The following EIF2B3 variants were observed in gnomAD, a reference collection of about 807,000 sequenced individuals.
The protein encoded by EIF2B3 is translation initiation factor eIF2B subunit gamma.
A neutral mutation model predicts 54.1 loss-of-function variants in EIF2B3; 20 were observed. The observed-to-expected ratio is 0.37, with a 90% CI of 0.26 to 0.54. The LOEUF is 0.54. EIF2B3 is among the 20% of genes least tolerant of loss of function. The probability of loss-of-function intolerance (pLI) is 0.86; values close to 1 mark genes in which losing one functional copy is unlikely to be tolerated. For missense variants in EIF2B3, 448 were observed against 547.8 expected, an observed-to-expected ratio of 0.82 and a Z score of 1.82; for synonymous variants, 153 against 188.1, an observed-to-expected ratio of 0.81 and a Z score of 1.52.
intron 3 of EIF2B3, among the ~76,000 whole-genome samples, chr1:44,956,131 T>C (rs1032344759): frequency 2.0e-5 from 3 of 152,144 alleles, no homozygotes; most frequent in South Asian, 2.1e-4. Flanking sequence ...CCATTGATGA[T>C]AGGCTAGATA....
Position 44,941,514 on chromosome 1 carries a change from T to G in EIF2B3, c.446A>C (p.Lys149Thr). 6.2e-7 allele frequency: 1 copy of G among 1,604,830 alleles called. No homozygotes were observed. Among genetic ancestry groups the G allele is most frequent in the Non-Finnish European group, 8.5e-7 (1 of 1,176,274 alleles). Residue 149 changes from lysine to threonine, a missense_variant, in exon 4 of 12, where the codon AAA becomes ACA. Physicochemically the swap from Lys to Thr is moderately conservative, Grantham distance 78. Coordinates refer to ENST00000360403, the MANE Select transcript of EIF2B3 (RefSeq NM_020365.5). ...ACTCCAATCTTCCTTACCTGCTTTT[T>G]TTTTCCCCTTTTGACCGGGAACAGG... ...IEPVPGQKGK[K>T]KAVEQRDFIG...
chr1:44,913,660 A>C (rs1643562944), intron 5 of EIF2B3, among the ~76,000 whole-genome samples: 1 of 151,836 alleles, frequency 6.6e-6, no homozygotes, highest in African/African-American at 2.4e-5. Flanking sequence ...ACGCGTCACC[A>C]TGCCCAGGTA....
chr1:44,957,061 G>A (rs932551314), intron 3 of EIF2B3, among the ~76,000 whole-genome samples: 5 of 152,002 alleles, frequency 3.3e-5, no homozygotes, highest in Non-Finnish European at 7.4e-5. Context: ...TCATGAGTTC[G>A]AGACTAGCTA....
chr1:44,875,518 T>G (rs1327573007), intron 9 of EIF2B3, 100 bp downstream of exon 9: 1 of 1,090,588 alleles, frequency 9.2e-7, no homozygotes, highest in African/African-American at 1.5e-5. Flanking sequence ...CTGGGGCTGA[T>G]GAGGTTCAGG....
chr1:44,958,474 TA>T, intron 3 of EIF2B3: 1 of 775,774 alleles, frequency 1.3e-6, no homozygotes, highest in Non-Finnish European at 2.0e-6. Context: ...TTTGGTGCTG[TA>T]AATCCTGGAT....
intron 5 of EIF2B3, among the ~76,000 whole-genome samples, chr1:44,905,981 C>T (rs1230381394): frequency 6.6e-6 from 1 of 152,166 alleles, no homozygotes; most frequent in Non-Finnish European, 1.5e-5. Flanking sequence ...GCATCTCACT[C>T]CCCAAGAGGT....
chr1:44,984,797 C>CTTTTTTTTT (rs71040529), intron 1 of EIF2B3, among the ~76,000 whole-genome samples: 2,589 of 88,452 alleles, frequency 0.029, 486 homozygotes, highest in African/African-American at 0.093. Context: ...TAATGTCCAT[C>CTTTTTTTTT]TTTTTTTTTT....
rs561244678 is a variant in EIF2B3 at position 44,986,508 on chromosome 1, T to G, written c.-25A>C. On this transcript the variant is annotated 5_prime_UTR_variant, in exon 1 of 12. Transcript: ENST00000360403. Reference sequence around the variant, plus strand: ...CACTGCTCACCCGGGTCAGCCAGCTTGTGTGCGGCCTGGCAGGGCAGAAGT... The same window carrying G: ...CACTGCTCACCCGGGTCAGCCAGCTGGTGTGCGGCCTGGCAGGGCAGAAGT... The G allele has an allele frequency of 6.6e-6, 1 of 152,554 alleles. No individual in the cohort carries two copies. Among genetic ancestry groups the G allele is most frequent in the East Asian group, 1.9e-4 (1 of 5,190 alleles). The allele number at this position is 152,554 out of a possible 1,614,324, so 9.5% of individuals were successfully genotyped here.
rs1644395661 is a variant in EIF2B3, at chr1:44,971,172, G to A, written c.294+7143C>T. Among the ~76,000 whole-genome samples, 3 of 152,066 alleles carry A rather than the reference G, an allele frequency of 2.0e-5. No individual in the cohort carries two copies. The South Asian group carries it at 6.2e-4, about 32-fold the overall frequency. The stretch of plus-strand genomic sequence containing the variant: ...GCCGAGGCGGGCGGATCCCGAAGTA[G>A]GAGATCGAGACCATCCTGGCCAACA... On this transcript the variant is annotated intron_variant, in intron 3 of 11. Coordinates refer to ENST00000360403, the MANE Select transcript of EIF2B3 (RefSeq NM_020365.5).
chr1:44,930,060 C>T (rs778639441), intron 4 of EIF2B3, among the ~76,000 whole-genome samples: 3 of 152,058 alleles, frequency 2.0e-5, no homozygotes, highest in Admixed American at 6.5e-5. Context: ...AAAAAAAGTC[C>T]GTCATATTCA....
intron 10 of EIF2B3, among the ~76,000 whole-genome samples, chr1:44,869,131 A>C (rs933654134): frequency 6.6e-6 from 1 of 152,232 alleles, no homozygotes; most frequent in African/African-American, 2.4e-5. Flanking sequence ...TAAAGTAGTA[A>C]TATAATAACA....
intron 4 of EIF2B3, among the ~76,000 whole-genome samples, chr1:44,939,477 G>A (rs1643996945): frequency 6.6e-6 from 1 of 152,148 alleles, no homozygotes; most frequent in Admixed American, 6.5e-5. Flanking sequence ...TAGTTAACAA[G>A]AGTATTGTAC....
chr1:44,965,275 A>C (rs72676587), intron 3 of EIF2B3, among the ~76,000 whole-genome samples: 1 of 152,212 alleles, frequency 6.6e-6, no homozygotes, highest in Non-Finnish European at 1.5e-5. Flanking sequence ...GAGTTTATAC[A>C]TATTAAGAAC....
At chr1:44,973,789 T>C (rs1286947747) in intron 3 of EIF2B3, among the ~76,000 whole-genome samples, 2 of 152,210 alleles carry the variant, frequency 1.3e-5, no homozygotes, top group East Asian at 1.9e-4. Flanking sequence ...GGAAGTAGAA[T>C]GGTAGCTGCC....
At position 44,881,468 on chromosome 1, in the gene EIF2B3, G is replaced by C; in HGVS notation, c.784+144C>G. 5 of 1,140,024 alleles carry C rather than the reference G, an allele frequency of 4.4e-6. No individual in the cohort carries two copies. In the South Asian group the frequency reaches 6.2e-5, roughly 14 times the overall value. The allele number at this position is 1,140,024 out of a possible 1,614,324, so 70.6% of individuals were successfully genotyped here. ...AGCAAGCTTACCCAGAGCTCAGTGG[G>C]TTGGCAAGCCTGTCTTGCCTCGTAG... On this transcript the variant is annotated intron_variant, in intron 7 of 11. Transcript: ENST00000360403. The surrounding 1 kb of genome is among the most constrained non-coding windows in gnomAD (Gnocchi z 4.0).
chr1:44,957,761 CAA>C (rs530862191), intron 3 of EIF2B3, among the ~76,000 whole-genome samples: 1 of 143,926 alleles, frequency 6.9e-6, no homozygotes, highest in Non-Finnish European at 1.5e-5. Flanking sequence ...ACTCCGTCTC[CAA>C]AAAAAAAAGA....
chr1:44,934,627 C>A (rs992107035), intron 4 of EIF2B3, among the ~76,000 whole-genome samples: 12 of 152,010 alleles, frequency 7.9e-5, no homozygotes, highest in Admixed American at 7.9e-4. Flanking sequence ...GCCTTAGCCT[C>A]CCAAGTAGCT....
intron 10 of EIF2B3, among the ~76,000 whole-genome samples, chr1:44,867,994 C>T (rs953786681): frequency 5.3e-5 from 8 of 151,870 alleles, no homozygotes; most frequent in Admixed American, 6.6e-5. Flanking sequence ...GTCATGATTG[C>T]GCCACTGCAC....
intron 10 of EIF2B3, among the ~76,000 whole-genome samples, chr1:44,874,109 C>T (rs1655048246): frequency 6.6e-6 from 1 of 152,100 alleles, no homozygotes; most frequent in African/African-American, 2.4e-5. Context: ...GATTTTGGAG[C>T]ATTTGATTTT....
Sources: gnomAD v4.1 joint callset for allele counts (sites outside exome capture counted in the v4.1 genomes callset) on GRCh38, gnomAD v4.1.1 for gene constraint, Gnocchi (gnomAD v3.1) non-coding constraint, MANE v1.5 for transcripts, NCBI Gene and HGNC (gene_info 2026-07-23, HGNC 2026-07-21) for gene names.